ANGPT1: variants seen among roughly 807,000 people sequenced by gnomAD.
The protein encoded by ANGPT1 is angiopoietin 1.
A neutral mutation model predicts 62.2 loss-of-function variants in ANGPT1; 17 were observed. The ratio of observed to expected loss-of-function variants is 0.27; its 90% CI spans 0.19 to 0.41. The LOEUF (loss-of-function observed/expected upper bound fraction) is 0.41, where lower values mean the gene tolerates loss of function less well. Among genes scored for constraint, ANGPT1 ranks in the 10% least tolerant of loss-of-function variants. The pLI, the probability that ANGPT1 is intolerant of heterozygous loss-of-function variation, is 1.00. For synonymous variants in ANGPT1, 199 were observed against 198.9 expected, an observed-to-expected ratio of 1.00 and a Z score of 0.00; for missense variants, 478 against 594.9, an observed-to-expected ratio of 0.80 and a Z score of 2.04.
At chr8:107,444,088 G>C (rs948738247) in intron 1 of ANGPT1, among the ~76,000 whole-genome samples, 13 of 152,168 alleles carry the variant, frequency 8.5e-5, no homozygotes, top group African/African-American at 3.1e-4. Flanking sequence ...TCTGTTCTGG[G>C]AGCATCTGGC....
chr8:107,424,542 G>GA (rs200914503), intron 1 of ANGPT1, among the ~76,000 whole-genome samples: 4 of 151,276 alleles, frequency 2.6e-5, no homozygotes, highest in East Asian at 1.9e-4. Flanking sequence ...CAATTTCAAA[G>GA]AAAAAAAAAT....
In ANGPT1 at chr8:107,452,560, C is replaced by T. The variant is rs1456691726; in HGVS notation, c.297+44702G>A. 7.3e-5 allele frequency among the ~76,000 whole-genome samples: 11 copies of T among 151,362 alleles called. No homozygotes were observed. In the Admixed American group the frequency reaches 7.3e-4, roughly 10 times the overall value. On this transcript the variant is annotated intron_variant, in intron 1 of 8. Transcript: ENST00000517746. ...GGCTAAAATTTATTGTTACATTAAT[C>T]AATATATTTTATAAATTGGGAGAAA... is the stretch of plus-strand genomic sequence containing the variant.
intron 2 of ANGPT1, among the ~76,000 whole-genome samples, chr8:107,340,217 A>G (rs1023361785): frequency 1.5e-4 from 23 of 151,696 alleles, no homozygotes; most frequent in South Asian, 8.4e-4. Context: ...ATCTTTGGGG[A>G]AAAAAAAAGA....
chr8:107,454,046 A>C (rs1811851526), intron 1 of ANGPT1, among the ~76,000 whole-genome samples: 1 of 152,084 alleles, frequency 6.6e-6, no homozygotes, highest in South Asian at 2.1e-4. Context: ...CTCATTTTTC[A>C]GTGATGAACT....
intron 7 of ANGPT1, among the ~76,000 whole-genome samples, chr8:107,279,746 T>TACACACAC (rs148069454): frequency 1.3e-4 from 19 of 146,284 alleles, no homozygotes; most frequent in African/African-American, 3.9e-4. Flanking sequence ...CACACACGTG[T>TACACACAC]ACACACACAC....
At chr8:107,491,510 T>C (rs1365579575) in intron 1 of ANGPT1, among the ~76,000 whole-genome samples, 1 of 152,174 alleles carries the variant, frequency 6.6e-6, no homozygotes, top group East Asian at 1.9e-4. Context: ...TCAGAGACTT[T>C]CTGAGAAGAC....
intron 1 of ANGPT1, among the ~76,000 whole-genome samples, chr8:107,451,316 GACACACACAC>G (rs138970014): frequency 2.0e-5 from 3 of 148,954 alleles, no homozygotes; most frequent in Non-Finnish European, 3.0e-5. Context: ...ATACATAACA[GACACACACAC>G]ACACACACAC....
At chr8:107,334,036 A>AGGAT (rs774427411) in intron 3 of ANGPT1, among the ~76,000 whole-genome samples, 1 of 146,762 alleles carries the variant, frequency 6.8e-6, no homozygotes, top group Non-Finnish European at 1.5e-5. Context: ...GAAGGAAGGA[A>AGGAT]GGATGGATAA....
intron 6 of ANGPT1, among the ~76,000 whole-genome samples, chr8:107,288,074 G>C (rs1006295443): frequency 9.2e-5 from 14 of 152,038 alleles, no homozygotes; most frequent in African/African-American, 3.1e-4. Flanking sequence ...GAATAATCTT[G>C]GGTCTTGTAT....
intron 1 of ANGPT1, among the ~76,000 whole-genome samples, chr8:107,389,180 C>A (rs1379674986): frequency 6.6e-6 from 1 of 152,170 alleles, no homozygotes; most frequent in African/African-American, 2.4e-5. Context: ...CTAATCATGA[C>A]TTTGCTACTA....
At position 107,379,534 on chromosome 8, in the gene ANGPT1, G is replaced by C. The variant is rs1252695381; in HGVS notation, c.298-32437C>G. ...CGCCAATTTTATAGATGAAGAAACT[G>C]AGTCTCAGAGGAGGTTAAAAAAAAA... is the stretch of plus-strand genomic sequence containing the variant. On this transcript the variant is annotated intron_variant, in intron 1 of 8. Coordinates refer to ENST00000517746, the MANE Select transcript of ANGPT1 (RefSeq NM_001146.5). Among the ~76,000 whole-genome samples, 3 of 134,642 alleles carry C rather than the reference G, an allele frequency of 2.2e-5. No individual in the cohort carries two copies. The East Asian group carries it at 7.1e-4, about 32-fold the overall frequency. The allele number at this position is 134,642 out of a possible 152,430, so 88.3% of individuals were successfully genotyped here.
intron 1 of ANGPT1, among the ~76,000 whole-genome samples, chr8:107,491,598 A>ATT (rs1812957607): frequency 7.9e-5 from 12 of 152,178 alleles, no homozygotes; most frequent in Non-Finnish European, 1.5e-5. Flanking sequence ...AGCTGAGTAA[A>ATT]CAGCTTGTAA....
At chr8:107,345,453 CAG>C (rs1815784401) in intron 2 of ANGPT1, among the ~76,000 whole-genome samples, 1 of 151,626 alleles carries the variant, frequency 6.6e-6, no homozygotes, top group Non-Finnish European at 1.5e-5. Context: ...GCTAGGTAGA[CAG>C]AGATTAAAAA....
chr8:107,346,662 T>C (rs1586243564), intron 2 of ANGPT1, among the ~76,000 whole-genome samples: 1 of 152,204 alleles, frequency 6.6e-6, no homozygotes, highest in African/African-American at 2.4e-5. Flanking sequence ...ACATATCATA[T>C]CACAGTTGGT....
chr8:107,495,768 A>C (rs1813076436), intron 1 of ANGPT1, among the ~76,000 whole-genome samples: 1 of 152,196 alleles, frequency 6.6e-6, no homozygotes, highest in South Asian at 2.1e-4. Context: ...GAAAAATACA[A>C]ACATCCTATT....
chr8:107,334,740 T>G (rs898876331), intron 3 of ANGPT1, among the ~76,000 whole-genome samples: 1 of 152,192 alleles, frequency 6.6e-6, no homozygotes, highest in Non-Finnish European at 1.5e-5. Flanking sequence ...GACCCTAGAT[T>G]AAGGGGTGGT....
At chr8:107,410,420 A>G (rs922884707) in intron 1 of ANGPT1, among the ~76,000 whole-genome samples, 4 of 152,146 alleles carry the variant, frequency 2.6e-5, no homozygotes, top group African/African-American at 7.2e-5. Context: ...TACACAGGCC[A>G]ACATGCTAAA....
chr8:107,373,669 G>C lies in ANGPT1; in HGVS notation c.298-26572C>G, dbSNP rs141945208. On this transcript the variant is annotated intron_variant, in intron 1 of 8. Transcript: ENST00000517746. ...AGTTTTTCTTTCTAGGGGCTCTCTT[G>C]AATATATTCTTTAATGCCTTAGCAA... 2.7e-3 allele frequency among the ~76,000 whole-genome samples: 418 copies of C among 152,280 alleles called. 1 individual carries two copies. The highest frequency in any genetic ancestry group is 9.5e-3 in the African/African-American group (396 of 41,548).
At chr8:107,277,982 T>C (rs1317988121) in intron 7 of ANGPT1, among the ~76,000 whole-genome samples, 2 of 152,116 alleles carry the variant, frequency 1.3e-5, no homozygotes, top group Non-Finnish European at 2.9e-5. Context: ...GATTTCGATA[T>C]AGAATATATA....
Sources: gnomAD v4.1 joint callset for allele counts (sites outside exome capture counted in the v4.1 genomes callset) on GRCh38, gnomAD v4.1.1 for gene constraint, MANE v1.5 for transcripts, NCBI Gene and HGNC (gene_info 2026-07-23, HGNC 2026-07-21) for gene names.